Variants in DLGAP2 observed in about 807,000 individuals in gnomAD.
DLGAP2 encodes disks large-associated protein 2.
DLGAP2 carries 26 observed loss-of-function variants against 100.3 expected under a neutral mutation model. The observed-to-expected ratio is 0.26, with a 90% CI of 0.19 to 0.36. DLGAP2 has a LOEUF of 0.36. DLGAP2 is among the 10% of genes least tolerant of loss of function. The pLI is 1.00. For synonymous variants in DLGAP2, 886 were observed against 630.1 expected (o/e 1.41, Z -6.08); for missense variants, 1,858 against 1,453.2 (o/e 1.28, Z -4.53).
chr8:1,036,360 C>G (rs557617321), intron 2 of DLGAP2, among the ~76,000 whole-genome samples: 3 of 152,276 alleles, frequency 2.0e-5, no homozygotes, highest in African/African-American at 7.2e-5. Flanking sequence ...GGGGAGGACA[C>G]AAGACCCCCC....
chr8:1,593,409 C>T (rs529190905), intron 6 of DLGAP2, among the ~76,000 whole-genome samples: 3 of 151,908 alleles, frequency 2.0e-5, no homozygotes, highest in Admixed American at 2.0e-4. Flanking sequence ...GAGCCGAGAT[C>T]GCGCCACTGC....
rs945815697 is a variant in DLGAP2, at chr8:1,638,298, A to G, written c.1810+5252A>G. 5.6e-4 allele frequency among the ~76,000 whole-genome samples: 86 copies of G among 152,248 alleles called. 1 individual carries two copies. Among genetic ancestry groups the G allele is most frequent in the African/African-American group, 1.9e-3 (79 of 41,542 alleles). Reference sequence around the variant, plus strand: ...TGAGGTCACAGGGGGCCCAAATCCAATCTGTCCGGTGTCCTTATAAGAAGA... The same window carrying G: ...TGAGGTCACAGGGGGCCCAAATCCAGTCTGTCCGGTGTCCTTATAAGAAGA... On this transcript the variant is annotated intron_variant, in intron 8 of 14. Coordinates refer to ENST00000637795, the MANE Select transcript of DLGAP2 (RefSeq NM_001346810.2).
chr8:1,589,960 A>G (rs1796242083), intron 6 of DLGAP2, among the ~76,000 whole-genome samples: 1 of 152,066 alleles, frequency 6.6e-6, no homozygotes, highest in Admixed American at 6.6e-5. Flanking sequence ...AAACAATAGA[A>G]ATTTACCCTC....
chr8:757,092 G>A (rs1820940120), intron 1 of DLGAP2, among the ~76,000 whole-genome samples: 1 of 152,068 alleles, frequency 6.6e-6, no homozygotes, highest in South Asian at 2.1e-4. Context: ...ACCCCCACCT[G>A]GAATACTCGT....
chr8:1,288,536 T>C (rs1799989711), intron 3 of DLGAP2, among the ~76,000 whole-genome samples: 1 of 66,682 alleles, frequency 1.5e-5, no homozygotes, highest in East Asian at 3.8e-4. Flanking sequence ...CTAGTTTCAG[T>C]TGAGTGTGTG....
rs545241585 is a variant in DLGAP2, at chr8:1,565,866, G to C, written c.1414G>C (p.Gly472Arg). Reference sequence around the variant, plus strand: ...ACCAGAGCCGCTGCTGAAGTCCATCGGACAGAGACCGCTTGGAGAGCACCA... The same window carrying C: ...ACCAGAGCCGCTGCTGAAGTCCATCCGACAGAGACCGCTTGGAGAGCACCA... ...ILPEPLLKSI[G>R]QRPLGEHQTQ... The change falls in exon 6 of 15, where the codon GGA becomes CGA. Residue 472 changes from glycine to arginine, a missense_variant. Coordinates refer to ENST00000637795, the MANE Select transcript of DLGAP2 (RefSeq NM_001346810.2). 2 of 1,610,714 alleles carry C rather than the reference G, an allele frequency of 1.2e-6. No individual in the cohort carries two copies. The highest frequency in any genetic ancestry group is 1.7e-5 in the Admixed American group (1 of 59,586).
chr8:1,314,318 A>C (rs62483956), intron 3 of DLGAP2, among the ~76,000 whole-genome samples: 73 of 151,980 alleles, frequency 4.8e-4, no homozygotes, highest in Non-Finnish European at 8.1e-4. Context: ...TGGAATTCCA[A>C]CTTCACACTG....
intron 2 of DLGAP2, among the ~76,000 whole-genome samples, chr8:1,133,029 G>A (rs766663159): frequency 6.6e-6 from 1 of 152,224 alleles, no homozygotes; most frequent in Non-Finnish European, 1.5e-5. Flanking sequence ...TCTGGGGTCT[G>A]TGTGTGGTGG....
chr8:985,872 G>T (rs761331547), intron 2 of DLGAP2, among the ~76,000 whole-genome samples: 8 of 152,130 alleles, frequency 5.3e-5, no homozygotes, highest in African/African-American at 1.9e-4. Context: ...TCGATCACCT[G>T]ACAAACCCCC....
chr8:1,578,580 C>A (rs1803091441), intron 6 of DLGAP2, among the ~76,000 whole-genome samples: 1 of 152,152 alleles, frequency 6.6e-6, no homozygotes, highest in Non-Finnish European at 1.5e-5. Context: ...TCAAAATGTT[C>A]CACCTCTTGG....
At chr8:1,577,963 A>C (rs1361408462) in intron 6 of DLGAP2, among the ~76,000 whole-genome samples, 1 of 152,236 alleles carries the variant, frequency 6.6e-6, no homozygotes, top group African/African-American at 2.4e-5. Context: ...GCATTAATGT[A>C]ATCTGATAAC....
intron 3 of DLGAP2, among the ~76,000 whole-genome samples, chr8:1,268,437 T>C (rs1799511537): frequency 6.6e-6 from 1 of 150,934 alleles, no homozygotes; most frequent in Non-Finnish European, 1.5e-5. Flanking sequence ...TTGAAATAAT[T>C]GGCCAAAGAG....
intron 4 of DLGAP2, among the ~76,000 whole-genome samples, chr8:1,524,905 C>T (rs1481305377): frequency 6.6e-6 from 1 of 152,104 alleles, no homozygotes; most frequent in African/African-American, 2.4e-5. Flanking sequence ...CCCTCCTGCA[C>T]ACCCTTGGCC....
intron 6 of DLGAP2, among the ~76,000 whole-genome samples, chr8:1,581,656 A>T (rs1466599749): frequency 6.6e-6 from 1 of 151,820 alleles, no homozygotes; most frequent in Non-Finnish European, 1.5e-5. Context: ...TACACACCAC[A>T]GTCAACCAGA....
At chr8:1,228,926 C>T (rs1034822396) in intron 2 of DLGAP2, among the ~76,000 whole-genome samples, 1 of 151,792 alleles carries the variant, frequency 6.6e-6, no homozygotes, top group South Asian at 2.1e-4. Context: ...AGGTTCTAGG[C>T]AGGAAAAGCA....
intron 2 of DLGAP2, among the ~76,000 whole-genome samples, chr8:1,034,172 CGT>C (rs1266352443): frequency 2.3e-4 from 7 of 29,872 alleles, no homozygotes; most frequent in African/African-American, 1.3e-3. Flanking sequence ...CCCGACCCCG[CGT>C]GTCACAGCAA....
chr8:929,759 A>T (rs969427814), intron 2 of DLGAP2, among the ~76,000 whole-genome samples: 39 of 147,740 alleles, frequency 2.6e-4, no homozygotes, highest in African/African-American at 9.6e-4. Context: ...CCCGGCAACA[A>T]TGAGGGCTGC....
In DLGAP2 at chr8:1,568,088, C is replaced by T. The variant is rs1209115264; in HGVS notation, c.1442+2194C>T. 3.3e-5 allele frequency among the ~76,000 whole-genome samples: 5 copies of T among 151,008 alleles called. No individual in the cohort carries two copies. The South Asian group carries it at 1.1e-3, about 32-fold the overall frequency. Reference sequence around the variant, plus strand: ...CACTGCCCACTCAGCAGACACAAATCCGTCTCTGCCTGTGGCCCCCATGCC... The same window carrying T: ...CACTGCCCACTCAGCAGACACAAATTCGTCTCTGCCTGTGGCCCCCATGCC... On this transcript the variant is annotated intron_variant, in intron 6 of 14. Transcript: ENST00000637795.
intron 2 of DLGAP2, among the ~76,000 whole-genome samples, chr8:995,982 C>G (rs1443224595): frequency 6.6e-6 from 1 of 152,120 alleles, no homozygotes; most frequent in South Asian, 2.1e-4. Context: ...ACCTGAACAT[C>G]CCTCCCTTTT....
Sources: gnomAD v4.1 joint callset for allele counts (sites outside exome capture counted in the v4.1 genomes callset) on GRCh38, gnomAD v4.1.1 for gene constraint, MANE v1.5 for transcripts, NCBI Gene and HGNC (gene_info 2026-07-23, HGNC 2026-07-21) for gene names.